TTC28: variants seen among roughly 807,000 people sequenced by gnomAD.
TTC28 encodes tetratricopeptide repeat protein 28.
Under a neutral mutation model 198.0 loss-of-function variants are expected in TTC28, and 61 were observed. The observed-to-expected ratio is 0.31, with a 90% CI of 0.25 to 0.38. TTC28 has a LOEUF of 0.38. TTC28 is among the 10% of genes least tolerant of loss of function. The pLI is 1.00. For synonymous variants in TTC28, 1,171 were observed against 1,297.8 expected (o/e 0.90, Z 2.10); for missense variants, 2,678 against 3,164.0 (o/e 0.85, Z 3.69).
At chr22:28,308,927 C>T (rs1173853793) in intron 2 of TTC28, among the ~76,000 whole-genome samples, 1 of 152,154 alleles carries the variant, frequency 6.6e-6, no homozygotes, top group Non-Finnish European at 1.5e-5. Flanking sequence ...GCTCTGACAA[C>T]TCCCTGTTCC....
intron 2 of TTC28, among the ~76,000 whole-genome samples, chr22:28,465,340 C>A (rs564339721): frequency 1.3e-5 from 2 of 152,122 alleles, no homozygotes; most frequent in Non-Finnish European, 2.9e-5. Flanking sequence ...TATGCCTTAT[C>A]CTGGGCCGGG....
intron 5 of TTC28, among the ~76,000 whole-genome samples, chr22:28,280,462 C>T (rs1247356845): frequency 1.3e-5 from 2 of 152,092 alleles, no homozygotes; most frequent in African/African-American, 4.8e-5. Context: ...CCTCAGCCTC[C>T]CAAGTAGCTG....
At chr22:28,547,228 G>A (rs948457578) in intron 2 of TTC28, among the ~76,000 whole-genome samples, 3 of 152,086 alleles carry the variant, frequency 2.0e-5, no homozygotes, top group Non-Finnish European at 4.4e-5. Flanking sequence ...GTGTGTGTGT[G>A]TGTGTGTCTT....
chr22:28,277,042 T>G (rs2044486225), intron 5 of TTC28, among the ~76,000 whole-genome samples: 2 of 152,160 alleles, frequency 1.3e-5, no homozygotes, highest in African/African-American at 4.8e-5. Flanking sequence ...TCAGTAAAAT[T>G]AATTAATTAG....
chr22:28,205,096 A>G (rs1473467748), intron 5 of TTC28, among the ~76,000 whole-genome samples: 1 of 152,114 alleles, frequency 6.6e-6, no homozygotes, highest in African/African-American at 2.4e-5. Context: ...TATTACCTAT[A>G]GTGTTTTCAT....
intron 6 of TTC28, among the ~76,000 whole-genome samples, chr22:28,141,716 A>G (rs1943340630): frequency 1.3e-5 from 2 of 152,188 alleles, no homozygotes; most frequent in Admixed American, 6.5e-5. Context: ...CAACTCTGAC[A>G]TAAGAATACA....
chr22:28,021,894 T>C (rs557331071), intron 13 of TTC28, among the ~76,000 whole-genome samples: 33 of 152,256 alleles, frequency 2.2e-4, no homozygotes, highest in African/African-American at 6.3e-4. Flanking sequence ...TAAACTGATA[T>C]GGGGCATCTT....
intron 12 of TTC28, among the ~76,000 whole-genome samples, chr22:28,032,175 T>TATATATATATAAAAA (rs1394968803): frequency 2.5e-5 from 2 of 79,092 alleles, no homozygotes; most frequent in South Asian, 3.9e-4. Context: ...TGTGTATATA[T>TATATATATATAAAAA]ATATATATAT....
chr22:28,388,409 A>G (rs1189089341), intron 2 of TTC28, among the ~76,000 whole-genome samples: 7 of 152,144 alleles, frequency 4.6e-5, no homozygotes, highest in Admixed American at 6.5e-5. Flanking sequence ...GATGGGGATG[A>G]CATTGAATCT....
intron 5 of TTC28, among the ~76,000 whole-genome samples, chr22:28,274,487 T>C (rs1447392746): frequency 6.6e-6 from 1 of 152,168 alleles, no homozygotes; most frequent in Non-Finnish European, 1.5e-5. Flanking sequence ...GGTGCTTAAT[T>C]TATAGTACAT....
At chr22:28,094,876 G>A (rs541958253) in intron 11 of TTC28, among the ~76,000 whole-genome samples, 1 of 152,292 alleles carries the variant, frequency 6.6e-6, no homozygotes, top group East Asian at 1.9e-4. Flanking sequence ...TGGTAATGAG[G>A]TGTGTCAGCT....
At chr22:28,021,678 C>T (rs1938607618) in intron 13 of TTC28, among the ~76,000 whole-genome samples, 1 of 152,180 alleles carries the variant, frequency 6.6e-6, no homozygotes, top group Admixed American at 6.5e-5. Context: ...CGCTTGAACA[C>T]AGGTGGCAGA....
chr22:28,039,470 T>C (rs1193407053), intron 12 of TTC28, among the ~76,000 whole-genome samples: 1 of 131,636 alleles, frequency 7.6e-6, no homozygotes, highest in Non-Finnish European at 1.5e-5. Context: ...AATTGAACAA[T>C]GAGAACACTT....
At chr22:28,112,662 C>T (rs775068031) in intron 6 of TTC28, among the ~76,000 whole-genome samples, 11 of 152,286 alleles carry the variant, frequency 7.2e-5, no homozygotes, top group Non-Finnish European at 8.8e-5. Flanking sequence ...AACTTAAAAG[C>T]GGCCCCAGAG....
rs994584301 is a variant in TTC28, at chr22:28,629,855, A to G, written c.103-25T>C. On this transcript the variant is annotated intron_variant, in intron 1 of 22. Coordinates refer to ENST00000397906, the MANE Select transcript of TTC28 (RefSeq NM_001145418.2). ...TCTACAAACAAAGAAACTTTATCAGAAAAAGTTCAGATAATCCAGATGGGT... is the reference window on the plus strand; with the variant it reads ...TCTACAAACAAAGAAACTTTATCAGGAAAAGTTCAGATAATCCAGATGGGT... The G allele has an allele frequency of 2.0e-6, 3 of 1,533,282 alleles. No individual in the cohort carries two copies. The African/African-American group carries it at 4.2e-5, about 21-fold the overall frequency. The allele number at this position is 1,533,282 out of a possible 1,614,324, so 95.0% of individuals were successfully genotyped here.
At chr22:28,208,582 C>A (rs545766518) in intron 5 of TTC28, among the ~76,000 whole-genome samples, 1 of 152,266 alleles carries the variant, frequency 6.6e-6, no homozygotes, top group African/African-American at 2.4e-5. Flanking sequence ...ACCATATCTA[C>A]CCTATGGCTT....
intron 2 of TTC28, among the ~76,000 whole-genome samples, chr22:28,307,359 A>C (rs2045166859): frequency 6.6e-6 from 1 of 152,172 alleles, no homozygotes; most frequent in Non-Finnish European, 1.5e-5. Flanking sequence ...TTAAATATTT[A>C]AATTTTAGAA....
At chr22:28,230,762 G>T (rs1174586682) in intron 5 of TTC28, among the ~76,000 whole-genome samples, 1 of 152,116 alleles carries the variant, frequency 6.6e-6, no homozygotes, top group Non-Finnish European at 1.5e-5. Context: ...TTTTCTGTAT[G>T]GGCAGAAAAA....
intron 1 of TTC28, among the ~76,000 whole-genome samples, chr22:28,630,818 A>G (rs1239676397): frequency 6.6e-6 from 1 of 152,192 alleles, no homozygotes; most frequent in Admixed American, 6.5e-5. Flanking sequence ...GTATATTTGT[A>G]TTTGTATTTG....
Sources: allele counts gnomAD v4.1 joint callset (sites outside exome capture counted in the v4.1 genomes callset), GRCh38; gene constraint gnomAD v4.1.1; transcripts MANE v1.5; gene names NCBI Gene and HGNC (gene_info 2026-07-23, HGNC 2026-07-21).